UGT1A9: variants seen among roughly 807,000 people sequenced by gnomAD.
UGT1A9 encodes the protein UDP glucuronosyltransferase family 1 member A9.
In UGT1A9, 35 loss-of-function variants were observed where a neutral mutation model predicts 45.0. The observed-to-expected ratio is 0.78, with a 90% confidence interval of 0.59 to 1.03. The LOEUF (loss-of-function observed/expected upper bound fraction) is 1.03. UGT1A9 is among the 50% of genes least tolerant of loss of function. UGT1A9 has a pLI of 0.00. For missense variants in UGT1A9, 687 were observed against 666.6 expected (o/e 1.03, Z -0.34); for synonymous variants, 278 against 250.6 (o/e 1.11, Z -1.03).
At chr2:233,713,803 C>T (rs2076347667) in intron 1 of UGT1A9, 2 of 1,614,054 alleles carry the variant, frequency 1.2e-6, no homozygotes, top group Non-Finnish European at 1.7e-6. Context: ...CCGATCATGC[C>T]CAACATGGTC....
chr2:233,766,694 C>G (rs996253647), intron 1 of UGT1A9, among the ~76,000 whole-genome samples: 7 of 152,162 alleles, frequency 4.6e-5, no homozygotes, highest in Non-Finnish European at 1.0e-4. Context: ...ATCACTGATG[C>G]CTTGCTCTGT....
chr2:233,742,393 A>G (rs1691967380), intron 1 of UGT1A9, among the ~76,000 whole-genome samples: 1 of 151,992 alleles, frequency 6.6e-6, no homozygotes, highest in African/African-American at 2.4e-5. Context: ...GGCTCATGTT[A>G]TTATTTGTAG....
At position 233,754,981 on chromosome 2, in the gene UGT1A9, C is replaced by G. The variant is rs561889596; in HGVS notation, c.856-12053C>G. 2.3e-6 allele frequency: 3 copies of G among 1,295,894 alleles called. No individual in the cohort carries two copies. The Admixed American group carries it at 5.7e-5, about 25-fold the overall frequency. 80.3% of individuals were successfully genotyped at this position (1,295,894 alleles called of 1,614,324 possible). ...CCAAAGAACTCCCTGAAGACCTCGG[C>G]GGGGTCACGGAAGCTGAAGACCTAC... On this transcript the variant is annotated intron_variant, in intron 1 of 4. Coordinates refer to ENST00000354728, the MANE Select transcript of UGT1A9 (RefSeq NM_021027.3).
rs1429453691 is a variant in UGT1A9, at chr2:233,751,746, G to C, written c.856-15288G>C. ...AACTCTTCCTCTCTGTTTCTCTCTT[G>C]CTTGCTGCCATGTGAGACATGACTT... On this transcript the variant is annotated intron_variant, in intron 1 of 4. Transcript: ENST00000354728. Among the ~76,000 whole-genome samples, 3 of 152,060 alleles carry C rather than the reference G, an allele frequency of 2.0e-5. No homozygotes were observed. The East Asian group carries it at 5.8e-4, about 29-fold the overall frequency.
intron 1 of UGT1A9, among the ~76,000 whole-genome samples, chr2:233,724,596 C>G (rs202203863): frequency 0.33 from 37,419 of 112,546 alleles, 7,358 homozygotes; most frequent in African/African-American, 0.51. Context: ...ACATCTCAGA[C>G]GATGGGCGGC....
chr2:233,731,059 T>C (rs1284464869), intron 1 of UGT1A9, among the ~76,000 whole-genome samples: 2 of 152,240 alleles, frequency 1.3e-5, no homozygotes, highest in African/African-American at 2.4e-5. Flanking sequence ...TGTATGAACT[T>C]CCATGATTTA....
At chr2:233,749,145 C>G (rs1694125909) in intron 1 of UGT1A9, among the ~76,000 whole-genome samples, 1 of 151,818 alleles carries the variant, frequency 6.6e-6, no homozygotes, top group Non-Finnish European at 1.5e-5. Context: ...TATGAACTTC[C>G]ATGACTTGAT....
intron 1 of UGT1A9, among the ~76,000 whole-genome samples, chr2:233,758,370 T>C (rs1198211865): frequency 6.6e-6 from 1 of 152,206 alleles, no homozygotes; most frequent in Non-Finnish European, 1.5e-5. Context: ...ATAAAATCAT[T>C]ACAGTGGTGA....
intron 1 of UGT1A9, among the ~76,000 whole-genome samples, chr2:233,726,395 C>G (rs2077529698): frequency 6.6e-6 from 1 of 152,174 alleles, no homozygotes; most frequent in African/African-American, 2.4e-5. Flanking sequence ...ATCTCATAGT[C>G]TTTTGATGTC....
At chr2:233,743,998 C>T (rs1199821485) in intron 1 of UGT1A9, 12 of 1,233,642 alleles carry the variant, frequency 9.7e-6, no homozygotes, top group African/African-American at 6.3e-5. Flanking sequence ...CCCGAGTGCT[C>T]GGAGACCTGG....
At chr2:233,747,122 G>A in intron 1 of UGT1A9, 1 of 1,481,738 alleles carries the variant, frequency 6.7e-7, no homozygotes, top group Non-Finnish European at 9.1e-7. Flanking sequence ...GATTTGCTAA[G>A]TGGCTCAGTG....
At chr2:233,765,342 T>G (rs1698805328) in intron 1 of UGT1A9, among the ~76,000 whole-genome samples, 1 of 152,198 alleles carries the variant, frequency 6.6e-6, no homozygotes. Flanking sequence ...AATAACAAAG[T>G]CATGGAACCA....
Position 233,772,666 on chromosome 2 carries a change from T to G in UGT1A9, c.*107T>G. 6.5e-7 allele frequency: 1 copy of G among 1,538,162 alleles called. No individual in the cohort carries two copies. Among genetic ancestry groups the G allele is most frequent in the South Asian group, 1.2e-5 (1 of 82,746 alleles). Reference sequence around the variant, plus strand: ...ATTTTATTCTTATTAAGGAAATACTTTGCATAAATTAATCAGCCCCAGAGT... The same window carrying G: ...ATTTTATTCTTATTAAGGAAATACTGTGCATAAATTAATCAGCCCCAGAGT... On this transcript the variant is annotated 3_prime_UTR_variant, in exon 5 of 5. Coordinates refer to ENST00000354728, the MANE Select transcript of UGT1A9 (RefSeq NM_021027.3).
At position 233,672,035 on chromosome 2, in the gene UGT1A9, A is replaced by G. The variant is rs369317288; in HGVS notation, c.101A>G (p.Asp34Gly). The G allele has an allele frequency of 4.3e-6, 7 of 1,614,096 alleles. No homozygotes were observed. Among genetic ancestry groups the G allele is most frequent in the Non-Finnish European group, 5.1e-6 (6 of 1,179,998 alleles). Residue 34 changes from aspartate (D) to glycine (G), a missense_variant, in exon 1 of 5, where the codon GAT becomes GGT. Physicochemically the swap from Asp to Gly is moderately conservative, Grantham distance 94. Transcript: ENST00000354728. The stretch of plus-strand genomic sequence containing the variant: ...GGGAAGCTACTGGTAGTGCCCATGG[A>G]TGGGAGCCACTGGTTCACCATGAGG... Reference protein sequence around the residue: ...EAGKLLVVPMDGSHWFTMRSV... With the variant: ...EAGKLLVVPMGGSHWFTMRSV...
intron 1 of UGT1A9, among the ~76,000 whole-genome samples, chr2:233,738,670 T>G (rs377285735): frequency 6.6e-6 from 1 of 152,186 alleles, no homozygotes; most frequent in African/African-American, 2.4e-5. Flanking sequence ...TTGAGAGAGA[T>G]GATCTGAAAT....
At position 233,760,222 on chromosome 2, in the gene UGT1A9, T is replaced by G. The variant is rs1346369593; in HGVS notation, c.856-6812T>G. On this transcript the variant is annotated intron_variant, in intron 1 of 4. Coordinates refer to ENST00000354728, the MANE Select transcript of UGT1A9 (RefSeq NM_021027.3). The stretch of plus-strand genomic sequence containing the variant: ...GTCAAACATTAACTTGGTGTATCGA[T>G]TGGTTTTTGCCATATATATATATAT... The G allele has an allele frequency of 2.5e-6, 4 of 1,591,036 alleles. No individual in the cohort carries two copies. The South Asian group carries it at 3.4e-5, about 13-fold the overall frequency.
At chr2:233,705,248 A>G (rs2125599704) in intron 1 of UGT1A9, among the ~76,000 whole-genome samples, 1 of 152,180 alleles carries the variant, frequency 6.6e-6, no homozygotes, top group African/African-American at 2.4e-5. Flanking sequence ...ATGAATTCAG[A>G]TTATTCTATG....
chr2:233,743,388 G>A (rs1692276435), intron 1 of UGT1A9: 2 of 1,234,066 alleles, frequency 1.6e-6, no homozygotes, highest in Non-Finnish European at 2.2e-6. Flanking sequence ...CGTAGGACAT[G>A]CAGAAGGAAG....
At chr2:233,691,028 C>T in intron 1 of UGT1A9, 1 of 991,438 alleles carries the variant, frequency 1.0e-6, no homozygotes, top group Non-Finnish European at 1.2e-6. Flanking sequence ...TGGAAGGGCT[C>T]AGACCAACGT....
Sources: allele counts gnomAD v4.1 joint callset (sites outside exome capture counted in the v4.1 genomes callset), GRCh38; gene constraint gnomAD v4.1.1; transcripts MANE v1.5; gene names NCBI Gene and HGNC (gene_info 2026-07-23, HGNC 2026-07-21).